UNC79: variants seen among roughly 807,000 people sequenced by gnomAD.
UNC79 encodes the protein protein unc-79 homolog.
A neutral mutation model predicts 283.1 loss-of-function variants in UNC79; 37 were observed. That is an observed-to-expected ratio of 0.13 (90% CI 0.10 to 0.17). The LOEUF is 0.17. Among genes scored for constraint, UNC79 ranks in the 10% least tolerant of loss-of-function variants. The pLI is 1.00. For synonymous variants in UNC79, 1,107 were observed against 1,200.2 expected, an observed-to-expected ratio of 0.92 and a Z score of 1.61; for missense variants, 2,272 against 3,211.1, an observed-to-expected ratio of 0.71 and a Z score of 7.07.
intron 1 of UNC79, among the ~76,000 whole-genome samples, chr14:93,440,980 C>A (rs1338119516): frequency 2.0e-5 from 3 of 151,958 alleles, no homozygotes; most frequent in Admixed American, 2.0e-4. Context: ...GTCTTTTATA[C>A]CTTTTATTAA....
At position 93,451,117 on chromosome 14, in the gene UNC79, G is replaced by GT. The variant is rs763243720; in HGVS notation, c.23-16542dup. 2.2e-3 allele frequency among the ~76,000 whole-genome samples: 323 copies of GT among 145,016 alleles called. 3 individuals carry two copies. The highest frequency in any genetic ancestry group is 4.4e-3 in the African/African-American group (174 of 39,888). On this transcript the variant is annotated intron_variant, in intron 1 of 48. Coordinates refer to ENST00000555664, the Ensembl canonical transcript of UNC79. The stretch of plus-strand genomic sequence containing the variant: ...CTTATCTTTCTGATATTAATAACAG[G>GT]TTTTTTTTTTTTAAGATAAAGTTTT...
At chr14:93,603,803 A>T (rs1475148076) in intron 26 of UNC79, among the ~76,000 whole-genome samples, 2 of 152,172 alleles carry the variant, frequency 1.3e-5, no homozygotes, top group Non-Finnish European at 2.9e-5. Context: ...ATGGCTAAGG[A>T]GGGACAGTTG....
intron 1 of UNC79, among the ~76,000 whole-genome samples, chr14:93,364,292 T>C (rs928617417): frequency 6.6e-6 from 1 of 152,192 alleles, no homozygotes; most frequent in African/African-American, 2.4e-5. Flanking sequence ...TCATGACTTC[T>C]AACAGCATAG....
intron 23 of UNC79, among the ~76,000 whole-genome samples, chr14:93,596,889 A>G (rs1203338800): frequency 2.6e-5 from 4 of 152,192 alleles, no homozygotes; most frequent in African/African-American, 7.2e-5. Context: ...GGAAATGTCT[A>G]TTTGGTCTGC....
At chr14:93,685,058 G>T (rs1161553864) in intron 42 of UNC79, among the ~76,000 whole-genome samples, 2 of 152,194 alleles carry the variant, frequency 1.3e-5, no homozygotes, top group Non-Finnish European at 2.9e-5. Context: ...GGCTCACTAA[G>T]ATTCTCTTGA....
At chr14:93,486,526 C>T (rs1412335247) in intron 4 of UNC79, among the ~76,000 whole-genome samples, 5 of 151,778 alleles carry the variant, frequency 3.3e-5, no homozygotes, top group Non-Finnish European at 2.9e-5. Context: ...TGGGGGCAGG[C>T]GCCTGTAATC....
At chr14:93,461,983 A>AG (rs71129637) in intron 1 of UNC79, among the ~76,000 whole-genome samples, 1 of 151,316 alleles carries the variant, frequency 6.6e-6, no homozygotes, top group Non-Finnish European at 1.5e-5. Context: ...AAAGAAAGAA[A>AG]AGAAACACAA....
chr14:93,414,342 T>C (rs1404423547), intron 1 of UNC79, among the ~76,000 whole-genome samples: 1 of 152,166 alleles, frequency 6.6e-6, no homozygotes, highest in Non-Finnish European at 1.5e-5. Context: ...GTTGTAGATA[T>C]GTGGCGTTAT....
At position 93,354,925 on chromosome 14, in the gene UNC79, A is replaced by C. The variant is rs182585921; in HGVS notation, c.-351+21402A>C. 2.0e-5 allele frequency among the ~76,000 whole-genome samples: 3 copies of C among 152,314 alleles called. No homozygotes were observed. The East Asian group carries it at 5.8e-4, about 29-fold the overall frequency. On this transcript the variant is annotated intron_variant, in intron 1 of 49. Transcript: ENST00000256339. ...TATGAAAGTAAATATAATGAGAAGT[A>C]GATCATGTTTGGCTTGAATCTCAAA...
chr14:93,622,078 C>G (rs771711427), exon 30 of UNC79: 5 of 1,613,986 alleles, frequency 3.1e-6, no homozygotes, highest in Non-Finnish European at 4.2e-6. Context: ...CAGATTCAAC[C>G]TCGGGGCCTG....
At chr14:93,569,683 C>A (rs923975527) in intron 14 of UNC79, among the ~76,000 whole-genome samples, 6 of 152,146 alleles carry the variant, frequency 3.9e-5, no homozygotes, top group African/African-American at 1.4e-4. Flanking sequence ...GGGGAATGGA[C>A]AATTATTTGT....
chr14:93,694,476 T>TTTTTA (rs1222898328), intron 47 of UNC79, 64 bp downstream of exon 50: 14 of 1,429,388 alleles, frequency 9.8e-6, no homozygotes, highest in Non-Finnish European at 1.2e-5. Context: ...TGGATTTATG[T>TTTTTA]TGAAGGTACT....
At chr14:93,369,731 T>G (rs2054405156) in intron 1 of UNC79, among the ~76,000 whole-genome samples, 1 of 152,184 alleles carries the variant, frequency 6.6e-6, no homozygotes, top group Non-Finnish European at 1.5e-5. Flanking sequence ...AAAAATCCCC[T>G]TGTGTTTCTG....
At chr14:93,706,585 C>T (rs996490637) in intron 48 of UNC79, 119 bp from the exon 52 acceptor site, 131 of 1,159,510 alleles carry the variant, frequency 1.1e-4, no homozygotes, top group Non-Finnish European at 1.5e-4. Flanking sequence ...TTGCCTTCTT[C>T]AGGCCAGACA....
At chr14:93,464,136 G>A (rs942048145) in intron 1 of UNC79, among the ~76,000 whole-genome samples, 2 of 152,136 alleles carry the variant, frequency 1.3e-5, no homozygotes, top group African/African-American at 2.4e-5. Flanking sequence ...GTGACAGAGC[G>A]AGACTCCATC....
intron 7 of UNC79, among the ~76,000 whole-genome samples, chr14:93,505,600 G>A (rs1360657838): frequency 6.6e-6 from 1 of 151,808 alleles, no homozygotes; most frequent in Non-Finnish European, 1.5e-5. Flanking sequence ...CAATACTTAC[G>A]ATTTTTACCT....
At chr14:93,364,313 C>T (rs934645947) in intron 1 of UNC79, among the ~76,000 whole-genome samples, 2 of 152,076 alleles carry the variant, frequency 1.3e-5, no homozygotes, top group African/African-American at 4.8e-5. Flanking sequence ...ATTAGTTTTG[C>T]CTGTTTGAAC....
intron 27 of UNC79, among the ~76,000 whole-genome samples, chr14:93,614,719 C>T (rs1413875047): frequency 6.6e-6 from 1 of 152,026 alleles, no homozygotes; most frequent in Non-Finnish European, 1.5e-5. Flanking sequence ...CTTTATGCCA[C>T]ACCATCATCA....
At chr14:93,470,011 ATAT>A (rs2057419067) in intron 2 of UNC79, among the ~76,000 whole-genome samples, 1 of 152,222 alleles carries the variant, frequency 6.6e-6, no homozygotes. Flanking sequence ...ATATTGTTTA[ATAT>A]TATTAAAGCA....
Sources: gnomAD v4.1 joint callset for allele counts (sites outside exome capture counted in the v4.1 genomes callset) on GRCh38, gnomAD v4.1.1 for gene constraint, MANE v1.5 for transcripts, NCBI Gene and HGNC (gene_info 2026-07-23, HGNC 2026-07-21) for gene names.